The following CFAP20DC variants were observed in gnomAD, a reference collection of about 807,000 sequenced individuals.
CFAP20DC encodes CFAP20 domain containing.
In CFAP20DC, 84 loss-of-function variants were observed where a neutral mutation model predicts 101.7. The observed-to-expected ratio is 0.83, with a 90% CI of 0.69 to 0.99. CFAP20DC has a LOEUF of 0.99. Among genes scored for constraint, CFAP20DC ranks in the 50% least tolerant of loss-of-function variants. The pLI, the probability that CFAP20DC is intolerant of heterozygous loss-of-function variation, is 0.00. For missense variants in CFAP20DC, 1,007 were observed against 970.3 expected (o/e 1.04, Z -0.50); for synonymous variants, 359 against 351.2 (o/e 1.02, Z -0.25).
At chr3:58,789,211 GC>G (rs2107621791) in intron 15 of CFAP20DC, among the ~76,000 whole-genome samples, 1 of 152,176 alleles carries the variant, frequency 6.6e-6, no homozygotes, top group Non-Finnish European at 1.5e-5. Flanking sequence ...CAAATCAAGA[GC>G]AAAAAACTTT....
intron 3 of CFAP20DC, among the ~76,000 whole-genome samples, chr3:58,733,317 G>A (rs547915715): frequency 6.6e-6 from 1 of 151,952 alleles, no homozygotes; most frequent in Non-Finnish European, 1.5e-5. Flanking sequence ...GGGTGATAGG[G>A]CAAGACTGCA....
At chr3:58,749,142 A>G (rs1288259494) in intron 16 of CFAP20DC, among the ~76,000 whole-genome samples, 1 of 152,190 alleles carries the variant, frequency 6.6e-6, no homozygotes, top group East Asian at 1.9e-4. Context: ...AATCATTCTC[A>G]TATTTCCTAT....
At chr3:58,827,663 C>G (rs1559659694) in intron 14 of CFAP20DC, among the ~76,000 whole-genome samples, 1 of 152,164 alleles carries the variant, frequency 6.6e-6, no homozygotes, top group South Asian at 2.1e-4. Flanking sequence ...GTGAAAGCAT[C>G]CCTGAAACCC....
At position 58,848,788 on chromosome 3, in the gene CFAP20DC, A is replaced by G. The variant is rs60012761; in HGVS notation, c.1971+244T>C. The stretch of plus-strand genomic sequence containing the variant: ...GTAACTAGAAAATAAAATAACTGTT[A>G]TGATGAAAATTACATAATTATCTTT... On this transcript the variant is annotated intron_variant, in intron 13 of 16. Coordinates refer to ENST00000482387, the MANE Select transcript of CFAP20DC (RefSeq NM_001394063.1). Among the ~76,000 whole-genome samples the G allele has an allele frequency of 7.6e-3, 1,155 of 152,294 alleles. 16 individuals carry two copies. Among genetic ancestry groups the G allele is most frequent in the African/African-American group, 0.027 (1,102 of 41,568 alleles).
chr3:58,800,728 T>C (rs1021568874), intron 15 of CFAP20DC, among the ~76,000 whole-genome samples: 1 of 152,154 alleles, frequency 6.6e-6, no homozygotes, highest in Admixed American at 6.5e-5. Flanking sequence ...GAGTGGTACA[T>C]GCATGAAAAT....
intron 12 of CFAP20DC, among the ~76,000 whole-genome samples, chr3:58,850,831 G>T (rs1488015684): frequency 6.6e-6 from 1 of 152,022 alleles, no homozygotes; most frequent in Non-Finnish European, 1.5e-5. Flanking sequence ...TCTAAGGGTT[G>T]GCATTTTAAA....
intron 4 of CFAP20DC, among the ~76,000 whole-genome samples, chr3:58,962,118 G>C (rs981345905): frequency 6.6e-6 from 1 of 151,970 alleles, no homozygotes; most frequent in African/African-American, 2.4e-5. Flanking sequence ...ATTGATTTGG[G>C]AATCTTTTTT....
intron 4 of CFAP20DC, among the ~76,000 whole-genome samples, chr3:58,957,648 A>C (rs571302566): frequency 5.9e-5 from 9 of 152,324 alleles, no homozygotes; most frequent in Admixed American, 5.9e-4. Flanking sequence ...TGGTACTTAC[A>C]TACAATGGAG....
chr3:58,800,823 T>C (rs2073635426), intron 15 of CFAP20DC, among the ~76,000 whole-genome samples: 1 of 152,076 alleles, frequency 6.6e-6, no homozygotes, highest in African/African-American at 2.4e-5. Flanking sequence ...ACTGTCCTCC[T>C]ATTTCCAGGA....
At chr3:58,833,519 A>G (rs1304549915) in intron 13 of CFAP20DC, among the ~76,000 whole-genome samples, 2 of 152,180 alleles carry the variant, frequency 1.3e-5, no homozygotes, top group African/African-American at 4.8e-5. Context: ...CAAAACCACA[A>G]TGAGATACCT....
chr3:58,837,280 G>A (rs892064035), intron 13 of CFAP20DC, among the ~76,000 whole-genome samples: 4 of 152,046 alleles, frequency 2.6e-5, no homozygotes, highest in Non-Finnish European at 4.4e-5. Flanking sequence ...TCGCCCACAT[G>A]CCCATCAACA....
chr3:58,819,782 A>T (rs1375817136), intron 14 of CFAP20DC, among the ~76,000 whole-genome samples: 1 of 148,146 alleles, frequency 6.8e-6, no homozygotes, highest in Non-Finnish European at 1.5e-5. Context: ...ATCCTCCCTA[A>T]CTCATTTTAT....
downstream of CFAP20DC, chr3:58,737,009 G>C (rs2067771808): frequency 3.3e-6 from 1 of 302,818 alleles, no homozygotes; most frequent in African/African-American, 2.2e-5. The surrounding 1 kb of genome is among the most constrained non-coding windows in gnomAD (Gnocchi z 4.1). Context: ...TATTCATGAT[G>C]AATGAACTTT....
chr3:58,937,586 C>T, intron 5 of CFAP20DC, 62 bp downstream of exon 5: 1 of 1,010,328 alleles, frequency 9.9e-7, no homozygotes, highest in Admixed American at 1.7e-5. Flanking sequence ...ATGGAGTCAG[C>T]CCATAAGTAA....
intron 5 of CFAP20DC, among the ~76,000 whole-genome samples, chr3:58,928,032 T>C (rs1183818279): frequency 6.6e-6 from 1 of 152,234 alleles, no homozygotes; most frequent in African/African-American, 2.4e-5. Context: ...AGAAAGCTTA[T>C]ATAATTTGAC....
intron 13 of CFAP20DC, among the ~76,000 whole-genome samples, chr3:58,838,035 T>C (rs909579380): frequency 5.9e-5 from 9 of 152,160 alleles, no homozygotes; most frequent in African/African-American, 7.2e-5. Flanking sequence ...ACCTGACTCA[T>C]TGGGGATGTA....
intron 13 of CFAP20DC, among the ~76,000 whole-genome samples, chr3:58,832,585 A>G (rs1356750911): frequency 6.6e-6 from 1 of 152,186 alleles, no homozygotes; most frequent in Non-Finnish European, 1.5e-5. Flanking sequence ...AATGACTAGT[A>G]TTGGTAAAAG....
intron 3 of CFAP20DC, 48 bp from the exon 4 acceptor site, chr3:59,039,677 G>A (rs1242374282): frequency 2.5e-6 from 3 of 1,183,470 alleles, no homozygotes; most frequent in Admixed American, 4.6e-5. Flanking sequence ...GCATTTATAT[G>A]TGCATATAAA....
At chr3:58,884,438 C>T (rs540700062) in intron 7 of CFAP20DC, 107 bp downstream of exon 7, 19 of 1,031,226 alleles carry the variant, frequency 1.8e-5, no homozygotes, top group East Asian at 9.6e-5. Flanking sequence ...CTGTTAAGTG[C>T]GAAGGATATA....
Sources: allele counts gnomAD v4.1 joint callset (sites outside exome capture counted in the v4.1 genomes callset), GRCh38; gene constraint gnomAD v4.1.1; non-coding constraint Gnocchi (gnomAD v3.1); transcripts MANE v1.5; gene names NCBI Gene and HGNC (gene_info 2026-07-23, HGNC 2026-07-21).